The following CDH8 variants were observed in gnomAD, a reference collection of about 807,000 sequenced individuals.
CDH8 encodes the protein cadherin 8, also known as cadherin-8.
In CDH8, 17 loss-of-function variants were observed where a neutral mutation model predicts 68.1. The observed-to-expected ratio is 0.25, with a 90% confidence interval of 0.17 to 0.37. The LOEUF is 0.37. Among genes scored for constraint, CDH8 ranks in the 10% least tolerant of loss-of-function variants. The pLI, the probability that CDH8 is intolerant of heterozygous loss-of-function variation, is 1.00. For missense variants in CDH8, 763 were observed against 999.3 expected, an observed-to-expected ratio of 0.76 and a Z score of 3.19; for synonymous variants, 372 against 365.1, an observed-to-expected ratio of 1.02 and a Z score of -0.21.
chr16:61,674,169 A>G (rs1258970922), intron 10 of CDH8, among the ~76,000 whole-genome samples: 2 of 151,906 alleles, frequency 1.3e-5, no homozygotes, highest in Non-Finnish European at 2.9e-5. Context: ...GGGAATAGCT[A>G]CTCTAGATCT....
At chr16:61,991,028 AG>A (rs140116004) in intron 2 of CDH8, among the ~76,000 whole-genome samples, 266 of 152,272 alleles carry the variant, frequency 1.7e-3, no homozygotes, top group African/African-American at 5.9e-3. Context: ...AAGGGAGCTG[AG>A]AGTGTCAAGT....
chr16:61,776,400 T>C (rs1156624008), intron 8 of CDH8, among the ~76,000 whole-genome samples: 1 of 151,724 alleles, frequency 6.6e-6, no homozygotes, highest in Non-Finnish European at 1.5e-5. Context: ...CCTTAACTAA[T>C]AACCTCTATT....
chr16:61,824,129 G>A (rs1962277315), intron 5 of CDH8, among the ~76,000 whole-genome samples: 1 of 151,670 alleles, frequency 6.6e-6, no homozygotes, highest in South Asian at 2.1e-4. Flanking sequence ...GCAACAACAT[G>A]AATGAACCTA....
chr16:61,821,072 T>G lies in CDH8; in HGVS notation c.877A>C (p.Thr293Pro). 6.2e-7 allele frequency: 1 copy of G among 1,612,626 alleles called. No homozygotes were observed. Among genetic ancestry groups the G allele is most frequent in the Non-Finnish European group, 8.5e-7 (1 of 1,179,100 alleles). ...TTGGCCTTCACCCTTCCTATTGCAG[T>G]GCCAAGAACCACATCTTCCGGTACT... The part of the protein sequence containing the change: ...FSVPEDVVLG[T>P]AIGRVKANDQ... The change falls in exon 6 of 12, where the codon ACT becomes CCT. Residue 293 changes from threonine (T) to proline (P), a missense_variant. Physicochemically the swap from Thr to Pro is conservative, Grantham distance 38. Transcript: ENST00000577390.
intron 10 of CDH8, among the ~76,000 whole-genome samples, chr16:61,660,024 A>G (rs367789453): frequency 1.3e-5 from 2 of 152,280 alleles, no homozygotes; most frequent in South Asian, 2.1e-4. Context: ...CCCTGCCCAA[A>G]CAATTGTAAT....
chr16:61,704,511 G>A, intron 10 of CDH8, among the ~76,000 whole-genome samples: 1 of 151,982 alleles, frequency 6.6e-6, no homozygotes, highest in East Asian at 1.9e-4. Context: ...TAATTTCTAT[G>A]GTAAAGATCA....
intron 2 of CDH8, among the ~76,000 whole-genome samples, chr16:61,968,309 C>T (rs1198657821): frequency 1.3e-5 from 2 of 152,192 alleles, no homozygotes; most frequent in African/African-American, 2.4e-5. Flanking sequence ...CATTCACCCT[C>T]GTCTATTGAG....
intron 3 of CDH8, among the ~76,000 whole-genome samples, chr16:61,888,270 T>A (rs1384796481): frequency 6.6e-6 from 1 of 152,122 alleles, no homozygotes; most frequent in Non-Finnish European, 1.5e-5. Flanking sequence ...GCATGGGAAT[T>A]TGAAGTATGA....
At chr16:61,676,885 G>C (rs1963922877) in intron 10 of CDH8, among the ~76,000 whole-genome samples, 1 of 152,046 alleles carries the variant, frequency 6.6e-6, no homozygotes, top group Non-Finnish European at 1.5e-5. Flanking sequence ...ACTGCAAAGA[G>C]AGATAAGAAA....
At chr16:61,753,509 G>A (rs775823349) in intron 8 of CDH8, among the ~76,000 whole-genome samples, 2 of 152,052 alleles carry the variant, frequency 1.3e-5, no homozygotes, top group African/African-American at 2.4e-5. Flanking sequence ...CAAAGTGCTC[G>A]GATTATAGGC....
chr16:61,824,309 C>G (rs151154795), intron 5 of CDH8, among the ~76,000 whole-genome samples: 214 of 151,996 alleles, frequency 1.4e-3, no homozygotes, highest in African/African-American at 4.9e-3. Flanking sequence ...CATGGCTTCA[C>G]CTTGTTCCAA....
At chr16:61,875,912 T>C (rs940485104) in intron 3 of CDH8, among the ~76,000 whole-genome samples, 1 of 152,180 alleles carries the variant, frequency 6.6e-6, no homozygotes, top group African/African-American at 2.4e-5. Context: ...AGTCTCGCTC[T>C]GTCACCCAGG....
At chr16:61,739,526 A>C (rs1959800035) in intron 8 of CDH8, among the ~76,000 whole-genome samples, 1 of 152,004 alleles carries the variant, frequency 6.6e-6, no homozygotes, top group Non-Finnish European at 1.5e-5. Flanking sequence ...GGTTGAAATC[A>C]ATCTATATGT....
chr16:61,841,476 A>G (rs1962682139), intron 4 of CDH8, among the ~76,000 whole-genome samples: 1 of 152,198 alleles, frequency 6.6e-6, no homozygotes, highest in Admixed American at 6.5e-5. Flanking sequence ...CTACAAATCA[A>G]AACAATTGAA....
intron 8 of CDH8, among the ~76,000 whole-genome samples, chr16:61,735,850 A>T (rs1039752062): frequency 6.6e-6 from 1 of 152,012 alleles, no homozygotes; most frequent in Non-Finnish European, 1.5e-5. Context: ...CAAGGCGGGG[A>T]GATCGCTAGG....
Position 61,647,566 on chromosome 16 carries a change from C to A in CDH8, c.*6042G>T. On this transcript the variant is annotated 3_prime_UTR_variant, in exon 12 of 12. Coordinates refer to ENST00000577390, the MANE Select transcript of CDH8 (RefSeq NM_001796.5). ...TTATTTGTGAGGGATCATAGGATGG[C>A]CTGAAGTTCTTTGCATGTACAGAAG... The A allele has an allele frequency of 2.0e-6, 1 of 492,588 alleles. No homozygotes were observed. The highest frequency in any genetic ancestry group is 3.6e-6 in the Non-Finnish European group (1 of 277,762). The allele number at this position is 492,588 out of a possible 1,614,324, so 30.5% of individuals were successfully genotyped here.
At chr16:61,929,906 CA>C (rs1262152987) in intron 2 of CDH8, among the ~76,000 whole-genome samples, 2 of 151,844 alleles carry the variant, frequency 1.3e-5, no homozygotes, top group Admixed American at 6.6e-5. Flanking sequence ...CAAAACAAAA[CA>C]AAAAAATTGA....
intron 3 of CDH8, among the ~76,000 whole-genome samples, chr16:61,883,200 T>G (rs1963610228): frequency 6.6e-6 from 1 of 152,192 alleles, no homozygotes; most frequent in Non-Finnish European, 1.5e-5. Context: ...TTGTATAGCA[T>G]GTTGCCCACC....
Position 61,807,564 on chromosome 16 carries a change from G to A in CDH8, c.1277+9915C>T, listed in dbSNP as rs566674502. ...TCATTACTACAGAGTTTCAGTGTGC[G>A]TATCCATTATAGACATGAAGAACTG... On this transcript the variant is annotated intron_variant, in intron 7 of 11. Coordinates refer to ENST00000577390, the MANE Select transcript of CDH8 (RefSeq NM_001796.5). 1.1e-4 allele frequency among the ~76,000 whole-genome samples: 17 copies of A among 152,240 alleles called. No homozygotes were observed. In the South Asian group the frequency reaches 2.9e-3, roughly 26 times the overall value.
Sources: gnomAD v4.1 joint callset for allele counts (sites outside exome capture counted in the v4.1 genomes callset) on GRCh38, gnomAD v4.1.1 for gene constraint, MANE v1.5 for transcripts, NCBI Gene and HGNC (gene_info 2026-07-23, HGNC 2026-07-21) for gene names.